The following MSI2 variants were observed in gnomAD, a reference collection of about 807,000 sequenced individuals.
MSI2 encodes musashi RNA binding protein 2, also known as RNA-binding protein Musashi homolog 2.
In MSI2, 17 loss-of-function variants were observed where a neutral mutation model predicts 45.6. That is an observed-to-expected ratio of 0.37 (90% CI 0.26 to 0.56). The LOEUF is 0.56. Ranked by LOEUF, MSI2 falls within the 20% of genes least tolerant of loss-of-function variation. MSI2 has a pLI of 0.77. For synonymous variants in MSI2, 156 were observed against 158.2 expected, an observed-to-expected ratio of 0.99 and a Z score of 0.11; for missense variants, 293 against 444.2, an observed-to-expected ratio of 0.66 and a Z score of 3.06.
At chr17:57,418,919 C>T (rs1567812567) in intron 6 of MSI2, among the ~76,000 whole-genome samples, 1 of 152,084 alleles carries the variant, frequency 6.6e-6, no homozygotes, top group African/African-American at 2.4e-5. Flanking sequence ...TATATAAAAC[C>T]TTTATTGAAA....
chr17:57,586,467 A>T (rs1333880727), intron 7 of MSI2, among the ~76,000 whole-genome samples: 1 of 151,250 alleles, frequency 6.6e-6, no homozygotes, highest in East Asian at 2.0e-4. Flanking sequence ...ACATTTGTCT[A>T]ATTTCACAAG....
chr17:57,674,603 A>ACT (rs761335564), intron 11 of MSI2, among the ~76,000 whole-genome samples: 77 of 138,706 alleles, frequency 5.6e-4, no homozygotes, highest in Admixed American at 1.4e-3. Flanking sequence ...TGAAAAAAAA[A>ACT]CTCTCTCTCT....
chr17:57,447,389 C>A (rs1567828776), intron 6 of MSI2, among the ~76,000 whole-genome samples: 1 of 152,232 alleles, frequency 6.6e-6, no homozygotes, highest in Non-Finnish European at 1.5e-5. Context: ...CAGGCGCAAG[C>A]CACTGTGCCC....
intron 6 of MSI2, among the ~76,000 whole-genome samples, chr17:57,447,397 C>G (rs765536612): frequency 6.6e-6 from 1 of 152,230 alleles, no homozygotes; most frequent in Admixed American, 6.5e-5. Context: ...AGCCACTGTG[C>G]CCAGCTTAAG....
At chr17:57,647,068 T>C (rs531038000) in intron 10 of MSI2, among the ~76,000 whole-genome samples, 1 of 152,190 alleles carries the variant, frequency 6.6e-6, no homozygotes, top group East Asian at 1.9e-4. Flanking sequence ...TTTTGAGCTA[T>C]GTTAACTCCA....
At chr17:57,595,192 T>G (rs1034320633) in intron 7 of MSI2, among the ~76,000 whole-genome samples, 4 of 152,138 alleles carry the variant, frequency 2.6e-5, no homozygotes, top group African/African-American at 9.7e-5. Context: ...CTCTCCGTCT[T>G]GTGTTGCAGG....
chr17:57,384,290 T>G (rs1484760485), intron 5 of MSI2, among the ~76,000 whole-genome samples: 1 of 152,102 alleles, frequency 6.6e-6, no homozygotes, highest in African/African-American at 2.4e-5. Context: ...AGGGGAGACA[T>G]GATGGCAAGG....
rs1913504164 is a variant in MSI2, at chr17:57,680,011, T to C, written c.*494T>C. Reference sequence around the variant, plus strand: ...TTTAAAGGATGCTGAGATGGTAATATGACTCTCCATATTTTGGTACCAATT... The same window carrying C: ...TTTAAAGGATGCTGAGATGGTAATACGACTCTCCATATTTTGGTACCAATT... On this transcript the variant is annotated 3_prime_UTR_variant, in exon 14 of 14. Coordinates refer to ENST00000284073, the MANE Select transcript of MSI2 (RefSeq NM_138962.4). 2 of 228,484 alleles carry C rather than the reference T, an allele frequency of 8.8e-6. No homozygotes were observed. The highest frequency in any genetic ancestry group is 1.7e-5 in the Non-Finnish European group (2 of 115,114). The allele number at this position is 228,484 out of a possible 1,614,324, so 14.2% of individuals were successfully genotyped here. A position where few individuals can be genotyped will look rare whatever the true frequency, so the allele number is the denominator to read the frequency against.
At chr17:57,298,720 A>C (rs906908639) in intron 5 of MSI2, among the ~76,000 whole-genome samples, 2 of 152,224 alleles carry the variant, frequency 1.3e-5, no homozygotes, top group Non-Finnish European at 2.9e-5. Context: ...GAGCACAGGC[A>C]GAGTAGATTT....
intron 6 of MSI2, among the ~76,000 whole-genome samples, chr17:57,467,800 T>C (rs1288190302): frequency 6.6e-6 from 1 of 151,844 alleles, no homozygotes; most frequent in African/African-American, 2.4e-5. Context: ...AAGGCCATTC[T>C]CATAGCACCC....
intron 6 of MSI2, among the ~76,000 whole-genome samples, chr17:57,499,325 G>T (rs1035706664): frequency 2.7e-5 from 4 of 148,020 alleles, no homozygotes; most frequent in Non-Finnish European, 5.9e-5. Flanking sequence ...GCAGTGAGCC[G>T]AGATTGTGCC....
At chr17:57,586,210 A>G (rs2088343280) in intron 7 of MSI2, among the ~76,000 whole-genome samples, 2 of 152,176 alleles carry the variant, frequency 1.3e-5, no homozygotes, top group Admixed American at 6.5e-5. Context: ...CCTGGATCAC[A>G]GGTGCTTTTT....
chr17:57,555,281 C>T (rs919853160), intron 7 of MSI2, among the ~76,000 whole-genome samples: 2 of 152,228 alleles, frequency 1.3e-5, no homozygotes, highest in South Asian at 4.1e-4. Flanking sequence ...CCCATCTGTC[C>T]CTGGCAGAGC....
At chr17:57,699,719 G>A in the MSI2 span, among the ~76,000 whole-genome samples, 1 of 152,194 alleles carries the variant, frequency 6.6e-6, no homozygotes, top group African/African-American at 2.4e-5. Context: ...ACTTCTGTGA[G>A]AGCATCCCTG....
chr17:57,372,419 GCTGT>G (rs752332484), intron 5 of MSI2, among the ~76,000 whole-genome samples: 10 of 152,206 alleles, frequency 6.6e-5, no homozygotes, highest in Non-Finnish European at 1.5e-4. Flanking sequence ...GAAGATTCCT[GCTGT>G]CTTTTTACCG....
At position 57,428,706 on chromosome 17, in the gene MSI2, C is replaced by T. The variant is rs560283517; in HGVS notation, c.405+27235C>T. Among the ~76,000 whole-genome samples the T allele has an allele frequency of 3.5e-4, 53 of 152,254 alleles. No individual in the cohort carries two copies. The South Asian group carries it at 4.6e-3, about 13-fold the overall frequency. On this transcript the variant is annotated intron_variant, in intron 6 of 13. Transcript: ENST00000284073. Reference sequence around the variant, plus strand: ...AGTAGCAAAAAGCTGGGTCTCAAACCAAGGTCTTCTAATTTCAAATATCAT... The same window carrying T: ...AGTAGCAAAAAGCTGGGTCTCAAACTAAGGTCTTCTAATTTCAAATATCAT...
chr17:57,633,038 C>T (rs1909541382), intron 10 of MSI2: 1 of 1,042,918 alleles, frequency 9.6e-7, no homozygotes, highest in Non-Finnish European at 1.2e-6. Flanking sequence ...GTGAACTTGT[C>T]CTAGTATGCT....
At chr17:57,326,431 G>A (rs747906386) in intron 5 of MSI2, among the ~76,000 whole-genome samples, 60 of 152,092 alleles carry the variant, frequency 3.9e-4, no homozygotes, top group Non-Finnish European at 6.9e-4. Flanking sequence ...CATCCAAACC[G>A]ATTTGGCCCC....
chr17:57,322,610 C>T (rs1308863546), intron 5 of MSI2, among the ~76,000 whole-genome samples: 1 of 152,146 alleles, frequency 6.6e-6, no homozygotes, highest in Non-Finnish European at 1.5e-5. Context: ...AAACCACGTA[C>T]CACTCACTCA....
Sources: gnomAD v4.1 joint callset for allele counts (sites outside exome capture counted in the v4.1 genomes callset) on GRCh38, gnomAD v4.1.1 for gene constraint, MANE v1.5 for transcripts, NCBI Gene and HGNC (gene_info 2026-07-23, HGNC 2026-07-21) for gene names.